SLIT3: variants seen among roughly 807,000 people sequenced by gnomAD.
The protein encoded by SLIT3 is slit guidance ligand 3, also known as slit homolog 3 protein.
Under a neutral mutation model 184.0 loss-of-function variants are expected in SLIT3, and 68 were observed. The ratio of observed to expected loss-of-function variants is 0.37; its 90% CI spans 0.30 to 0.45. The LOEUF is 0.45. Ranked by LOEUF, SLIT3 falls within the 20% of genes least tolerant of loss-of-function variation. SLIT3 has a pLI of 1.00. For missense variants in SLIT3, 1,707 were observed against 2,026.0 expected, an observed-to-expected ratio of 0.84 and a Z score of 3.02; for synonymous variants, 831 against 828.6, an observed-to-expected ratio of 1.00 and a Z score of -0.05.
intron 3 of SLIT3, among the ~76,000 whole-genome samples, chr5:169,204,044 G>T (rs1763986961): frequency 6.6e-6 from 1 of 152,138 alleles, no homozygotes; most frequent in Non-Finnish European, 1.5e-5. Flanking sequence ...GTTACCGTGG[G>T]AGATGAAGAC....
chr5:168,805,398 G>A (rs1265842409), intron 9 of SLIT3, among the ~76,000 whole-genome samples: 4 of 152,142 alleles, frequency 2.6e-5, no homozygotes, highest in African/African-American at 9.7e-5. Context: ...AGGGGAATAT[G>A]TATCTTTTAT....
Position 168,915,987 on chromosome 5 carries a change from T to G in SLIT3, c.414-32651A>C, listed in dbSNP as rs191716818. On this transcript the variant is annotated intron_variant, in intron 4 of 35. Coordinates refer to ENST00000519560, the MANE Select transcript of SLIT3 (RefSeq NM_003062.4). ...ATGGTTTTCTTTTTCTTATGATACT[T>G]TAAGTTCTAGGGTACATGTGCACAA... 3.0e-3 allele frequency among the ~76,000 whole-genome samples: 460 copies of G among 152,366 alleles called. 3 individuals carry two copies. Among genetic ancestry groups the G allele is most frequent in the African/African-American group, 0.01 (435 of 41,576 alleles).
chr5:169,244,849 T>G (rs541333015), intron 2 of SLIT3, 73 bp from the exon 3 acceptor site: 1 of 1,275,492 alleles, frequency 7.8e-7, no homozygotes, highest in Non-Finnish European at 1.1e-6. Flanking sequence ...CTTCATGCCA[T>G]GCAGGCATGG....
intron 32 of SLIT3, among the ~76,000 whole-genome samples, 177 bp from the exon 33 acceptor site, chr5:168,673,508 C>T (rs1761318513): frequency 6.6e-6 from 1 of 152,202 alleles, no homozygotes; most frequent in Admixed American, 6.5e-5. Flanking sequence ...GCTTATTACC[C>T]AGTTTCTCCC....
intron 4 of SLIT3, among the ~76,000 whole-genome samples, chr5:169,176,320 G>A (rs191522195): frequency 1.3e-5 from 2 of 152,244 alleles, no homozygotes; most frequent in East Asian, 3.9e-4. Flanking sequence ...AAAGCCTGAC[G>A]GGCAAGGTAT....
Position 168,801,209 on chromosome 5 carries a change from C to T in SLIT3, c.935+5237G>A, listed in dbSNP as rs1488702528. On this transcript the variant is annotated intron_variant, in intron 9 of 35. Coordinates refer to ENST00000519560, the MANE Select transcript of SLIT3 (RefSeq NM_003062.4). ...CACCCCTCCTTCCATGTGACAGTCC[C>T]TTACATGGAAACCTGGTGCTCTCAG... Among the ~76,000 whole-genome samples, 6 of 152,168 alleles carry T rather than the reference C, an allele frequency of 3.9e-5. No homozygotes were observed. In the South Asian group the frequency reaches 1.0e-3, roughly 26 times the overall value.
At position 169,218,265 on chromosome 5, in the gene SLIT3, G is replaced by A. The variant is rs144240318; in HGVS notation, c.342-24715C>T. 4.1e-4 allele frequency among the ~76,000 whole-genome samples: 62 copies of A among 152,222 alleles called. No individual in the cohort carries two copies. The East Asian group carries it at 7.5e-3, about 18-fold the overall frequency. On this transcript the variant is annotated intron_variant, in intron 3 of 35. Coordinates refer to ENST00000519560, the MANE Select transcript of SLIT3 (RefSeq NM_003062.4). ...AGGAAAGCCACAAGATATCACCTTC[G>A]CCATGAATTGGTAAGTGGATGGCTG...
At chr5:168,819,789 T>G (rs1013356005) in intron 7 of SLIT3, among the ~76,000 whole-genome samples, 6 of 152,238 alleles carry the variant, frequency 3.9e-5, no homozygotes, top group Admixed American at 3.9e-4. Context: ...GGCCCCAAGC[T>G]ATCTCTCTTC....
chr5:168,683,559 GCCCTTGAGTTTCTTC>G (rs796475510), intron 32 of SLIT3, among the ~76,000 whole-genome samples: 5 of 152,184 alleles, frequency 3.3e-5, no homozygotes, highest in African/African-American at 9.6e-5. Flanking sequence ...CTCCCTCCGT[GCCCTTGAGTTTCTTC>G]CCCTTGAGTT....
At chr5:168,768,952 G>T (rs192050252) in intron 14 of SLIT3, among the ~76,000 whole-genome samples, 2 of 152,190 alleles carry the variant, frequency 1.3e-5, no homozygotes, top group East Asian at 3.9e-4. Context: ...AAATGGGGCC[G>T]TAGGGTTTGG....
intron 4 of SLIT3, among the ~76,000 whole-genome samples, chr5:169,086,126 G>C (rs193042925): frequency 2.6e-5 from 4 of 152,292 alleles, no homozygotes; most frequent in African/African-American, 7.2e-5. Context: ...GCCCCTGTGA[G>C]AACAGTCAAG....
intron 6 of SLIT3, among the ~76,000 whole-genome samples, chr5:168,842,486 TTG>T (rs199613541): frequency 6.7e-5 from 10 of 149,126 alleles, no homozygotes; most frequent in African/African-American, 2.5e-4. Context: ...TTTTTTTTTT[TTG>T]TATCTGAGTA....
chr5:168,841,433 C>T (rs1046203957), intron 6 of SLIT3, among the ~76,000 whole-genome samples: 1 of 152,114 alleles, frequency 6.6e-6, no homozygotes, highest in African/African-American at 2.4e-5. Context: ...GAAGTTTCGC[C>T]CCCGATACTA....
At chr5:168,879,979 T>C (rs986959374) in intron 5 of SLIT3, among the ~76,000 whole-genome samples, 1 of 152,248 alleles carries the variant, frequency 6.6e-6, no homozygotes, top group Non-Finnish European at 1.5e-5. Flanking sequence ...GAATTTGCCA[T>C]CATTCTCTGT....
intron 1 of SLIT3, among the ~76,000 whole-genome samples, chr5:169,268,225 A>G (rs1766466112): frequency 6.6e-6 from 1 of 152,152 alleles, no homozygotes; most frequent in Non-Finnish European, 1.5e-5. Context: ...GGAGTGGCGG[A>G]GGGGGGAATG....
At chr5:168,892,602 A>G (rs895193868) in intron 4 of SLIT3, among the ~76,000 whole-genome samples, 1 of 152,230 alleles carries the variant, frequency 6.6e-6, no homozygotes, top group Non-Finnish European at 1.5e-5. Flanking sequence ...CCATTCATTC[A>G]GCCATTCCTC....
Position 169,110,506 on chromosome 5 carries a change from C to A in SLIT3, c.413+82973G>T, listed in dbSNP as rs190783445. ...TGTTCGTTGTCTTGTAGAAGGCATT[C>A]TCTCTGTACCCTACATCATTTTTCA... On this transcript the variant is annotated intron_variant, in intron 4 of 35. Coordinates refer to ENST00000519560, the MANE Select transcript of SLIT3 (RefSeq NM_003062.4). Among the ~76,000 whole-genome samples, 210 of 152,272 alleles carry A rather than the reference C, an allele frequency of 1.4e-3. 2 individuals carry two copies. The highest frequency in any genetic ancestry group is 5.0e-3 in the African/African-American group (206 of 41,528).
chr5:168,878,512 T>C (rs1759824142), intron 5 of SLIT3, among the ~76,000 whole-genome samples: 1 of 152,132 alleles, frequency 6.6e-6, no homozygotes, highest in African/African-American at 2.4e-5. Flanking sequence ...ATTGTTCCTG[T>C]TTGCAGGCAT....
chr5:169,119,225 G>A (rs746458833), intron 4 of SLIT3, among the ~76,000 whole-genome samples: 4 of 152,156 alleles, frequency 2.6e-5, no homozygotes, highest in South Asian at 2.1e-4. Flanking sequence ...GCCTTGTTAC[G>A]CAGATGACAC....
Sources: gnomAD v4.1 joint callset for allele counts (sites outside exome capture counted in the v4.1 genomes callset) on GRCh38, gnomAD v4.1.1 for gene constraint, MANE v1.5 for transcripts, NCBI Gene and HGNC (gene_info 2026-07-23, HGNC 2026-07-21) for gene names.